SLC8A1: variants seen among roughly 807,000 people sequenced by gnomAD.
SLC8A1 encodes solute carrier family 8 member A1.
In SLC8A1, 18 loss-of-function variants were observed where a neutral mutation model predicts 68.3. The ratio of observed to expected loss-of-function variants is 0.26; its 90% CI spans 0.18 to 0.39. The LOEUF (loss-of-function observed/expected upper bound fraction) is 0.39. Among genes scored for constraint, SLC8A1 ranks in the 10% least tolerant of loss-of-function variants. The pLI is 1.00. For synonymous variants in SLC8A1, 475 were observed against 415.5 expected (o/e 1.14, Z -1.74); for missense variants, 985 against 1,156.7 (o/e 0.85, Z 2.15).
intron 2 of SLC8A1, among the ~76,000 whole-genome samples, chr2:40,414,315 T>A (rs1693143418): frequency 6.6e-6 from 1 of 152,172 alleles, no homozygotes; most frequent in South Asian, 2.1e-4. Flanking sequence ...TCTGTACACA[T>A]CTGCAGCCAT....
intron 1 of SLC8A1, 88 bp from the exon 2 acceptor site, chr2:40,430,392 T>C: frequency 7.5e-7 from 1 of 1,334,764 alleles, no homozygotes; most frequent in Non-Finnish European, 1.0e-6. Flanking sequence ...TTATTTTTAT[T>C]ACTCTTACCA....
chr2:40,165,355 G>C (rs377501493), intron 4 of SLC8A1, among the ~76,000 whole-genome samples: 1 of 152,148 alleles, frequency 6.6e-6, no homozygotes, highest in Admixed American at 6.5e-5. Context: ...CTTTCAGCAC[G>C]TGACCAAAGG....
At chr2:40,488,398 G>A (rs1336487118) in intron 1 of SLC8A1, among the ~76,000 whole-genome samples, 2 of 152,048 alleles carry the variant, frequency 1.3e-5, no homozygotes, top group East Asian at 1.9e-4. Flanking sequence ...TTATTTCACA[G>A]ATGTGCAGGC....
chr2:40,216,281 T>A (rs1213057229), intron 2 of SLC8A1, among the ~76,000 whole-genome samples: 1 of 152,156 alleles, frequency 6.6e-6, no homozygotes, highest in Non-Finnish European at 1.5e-5. Flanking sequence ...CTGAGTTAGT[T>A]TGCTGAAGAT....
chr2:40,354,134 C>T (rs1289399314), intron 2 of SLC8A1, among the ~76,000 whole-genome samples: 1 of 152,190 alleles, frequency 6.6e-6, no homozygotes, highest in Non-Finnish European at 1.5e-5. Flanking sequence ...TCCATATGCG[C>T]TATACCACTT....
intron 1 of SLC8A1, among the ~76,000 whole-genome samples, chr2:40,450,599 C>T (rs1702262721): frequency 6.6e-6 from 1 of 152,190 alleles, no homozygotes; most frequent in Non-Finnish European, 1.5e-5. Flanking sequence ...ACTGTCTTCA[C>T]CACATCTGTC....
At chr2:40,193,364 A>G (rs778483960) in intron 2 of SLC8A1, among the ~76,000 whole-genome samples, 5 of 152,108 alleles carry the variant, frequency 3.3e-5, no homozygotes, top group Admixed American at 6.6e-5. Flanking sequence ...GGCATTGGGG[A>G]TAAAAAGAGG....
intron 2 of SLC8A1, among the ~76,000 whole-genome samples, chr2:40,306,455 G>A (rs551872357): frequency 8.8e-5 from 13 of 147,438 alleles, no homozygotes; most frequent in Non-Finnish European, 3.0e-5. Flanking sequence ...ATGGTTGTGG[G>A]GGGGGGCATA....
chr2:40,187,170 A>T (rs2050850616), intron 2 of SLC8A1, among the ~76,000 whole-genome samples: 1 of 152,198 alleles, frequency 6.6e-6, no homozygotes, highest in Non-Finnish European at 1.5e-5. Flanking sequence ...ATCCAAGTCC[A>T]GAATCCGAAA....
At chr2:40,134,543 T>A (rs2040121886) in intron 7 of SLC8A1, among the ~76,000 whole-genome samples, 1 of 152,236 alleles carries the variant, frequency 6.6e-6, no homozygotes, top group African/African-American at 2.4e-5. Context: ...AAAATGTTTG[T>A]TCTGAGGTCC....
chr2:40,138,883 T>C (rs972293057), intron 7 of SLC8A1, among the ~76,000 whole-genome samples: 2 of 152,194 alleles, frequency 1.3e-5, no homozygotes, highest in African/African-American at 4.8e-5. Flanking sequence ...TCAGGATTAC[T>C]TTTTTCCTGT....
intron 7 of SLC8A1, among the ~76,000 whole-genome samples, chr2:40,124,214 T>C (rs566789299): frequency 6.6e-6 from 1 of 152,308 alleles, no homozygotes; most frequent in South Asian, 2.1e-4. Context: ...CTTAATGGGT[T>C]ATAAGGAAAC....
chr2:40,413,479 T>C (rs1692827666), intron 2 of SLC8A1, among the ~76,000 whole-genome samples: 2 of 152,124 alleles, frequency 1.3e-5, no homozygotes, highest in Admixed American at 1.3e-4. Flanking sequence ...TGGAAACCAT[T>C]GCTGATTTTT....
chr2:40,210,253 G>A (rs1325938090), intron 2 of SLC8A1, among the ~76,000 whole-genome samples: 1 of 152,166 alleles, frequency 6.6e-6, no homozygotes, highest in South Asian at 2.1e-4. Flanking sequence ...TATAAGAGAA[G>A]GGTATGAAGA....
rs1696761091 is a variant in SLC8A1 at position 40,426,003 on chromosome 2, AC to A, written c.1808+2469del. 2.0e-5 allele frequency among the ~76,000 whole-genome samples: 3 copies of A among 152,020 alleles called. No individual in the cohort carries two copies. In the South Asian group the frequency reaches 6.2e-4, roughly 32 times the overall value. ...TCTTTGATAATATGTTTTTCTAGAA[AC>A]CTTGTGTTTGAATCTTGGTGCTTAA... On this transcript the variant is annotated intron_variant, in intron 2 of 7. Coordinates refer to ENST00000406785, the Ensembl canonical transcript of SLC8A1.
At position 40,191,360 on chromosome 2, in the gene SLC8A1, T is replaced by C. The variant is rs1418403915; in HGVS notation, c.1809-13505A>G. ...AAAAACATCAGTTATCATTTTGGAG[T>C]TCATATTCTTGATAGAAGGGATCCA... is the stretch of plus-strand genomic sequence containing the variant. On this transcript the variant is annotated intron_variant, in intron 2 of 7. Coordinates refer to ENST00000406785, the Ensembl canonical transcript of SLC8A1. Among the ~76,000 whole-genome samples, 5 of 152,142 alleles carry C rather than the reference T, an allele frequency of 3.3e-5. No homozygotes were observed. In the East Asian group the frequency reaches 9.6e-4, roughly 29 times the overall value.
At chr2:40,463,027 G>A (rs1301158064) in intron 1 of SLC8A1, among the ~76,000 whole-genome samples, 1 of 152,058 alleles carries the variant, frequency 6.6e-6, no homozygotes, top group African/African-American at 2.4e-5. Flanking sequence ...AAAAAATGGG[G>A]CTTTCATCGT....
chr2:40,135,751 C>G lies in SLC8A1; in HGVS notation c.2437+3650G>C, dbSNP rs2040388903. On this transcript the variant is annotated intron_variant, in intron 7 of 7. Coordinates refer to ENST00000406785, the Ensembl canonical transcript of SLC8A1. ...ATAAATACAATTAAAAAATAAAGAT[C>G]TGTAGGACCTTTGACCATGGGGAGG... Among the ~76,000 whole-genome samples the G allele has an allele frequency of 2.0e-5, 3 of 151,982 alleles. No individual in the cohort carries two copies. In the South Asian group the frequency reaches 6.2e-4, roughly 32 times the overall value.
chr2:40,128,899 T>C (rs941135028), intron 7 of SLC8A1, among the ~76,000 whole-genome samples: 3 of 152,238 alleles, frequency 2.0e-5, no homozygotes, highest in Admixed American at 6.5e-5. Context: ...GACATTTTTA[T>C]ATTAGAATTA....
Sources: gnomAD v4.1 joint callset for allele counts (sites outside exome capture counted in the v4.1 genomes callset) on GRCh38, gnomAD v4.1.1 for gene constraint, MANE v1.5 for transcripts, NCBI Gene and HGNC (gene_info 2026-07-23, HGNC 2026-07-21) for gene names.